Variants in CYP51A1 observed in about 807,000 individuals in gnomAD.
CYP51A1 encodes lanosterol 14-alpha demethylase.
CYP51A1 carries 45 observed loss-of-function variants against 53.5 expected under a neutral mutation model. That is an observed-to-expected ratio of 0.84 (90% confidence interval 0.66 to 1.08). The LOEUF (loss-of-function observed/expected upper bound fraction) is 1.08, where lower values mean the gene tolerates loss of function less well. Ranked by LOEUF, CYP51A1 falls within the 50% of genes least tolerant of loss-of-function variation. The pLI, the probability that CYP51A1 is intolerant of heterozygous loss-of-function variation, is 0.00. For missense variants in CYP51A1, 462 were observed against 621.7 expected, an observed-to-expected ratio of 0.74 and a Z score of 2.73; for synonymous variants, 181 against 217.7, an observed-to-expected ratio of 0.83 and a Z score of 1.48.
rs1349571243 is a variant in CYP51A1 at position 92,124,984 on chromosome 7, G to A, written c.771-1131C>T. On this transcript the variant is annotated intron_variant, in intron 5 of 9. Coordinates refer to ENST00000003100, the MANE Select transcript of CYP51A1 (RefSeq NM_000786.4). ...CGGTGAAACCCCATCTCTACTAAAA[G>A]TACAAAACAATTAGCCAGGCTTGGT... is the stretch of plus-strand genomic sequence containing the variant. 4.6e-5 allele frequency among the ~76,000 whole-genome samples: 7 copies of A among 151,976 alleles called. No individual in the cohort carries two copies. The East Asian group carries it at 9.7e-4, about 21-fold the overall frequency.
chr7:92,126,160 T>A (rs943470440), intron 5 of CYP51A1, 93 bp downstream of exon 5: 1 of 878,824 alleles, frequency 1.1e-6, no homozygotes, highest in Non-Finnish European at 1.6e-6. Context: ...GTTTTACTTG[T>A]TTAATTTTTA....
chr7:92,116,976 G>T, intron 9 of CYP51A1, 68 bp downstream of exon 9: 1 of 1,448,682 alleles, frequency 6.9e-7, no homozygotes, highest in East Asian at 2.4e-5. Context: ...ACACAATTCG[G>T]AATATTTTGA....
At position 92,123,921 on chromosome 7, in the gene CYP51A1, G is replaced by C. The variant is rs1006975508; in HGVS notation, c.771-68C>G. The C allele has an allele frequency of 8.9e-6, 12 of 1,350,872 alleles. No homozygotes were observed. In the Admixed American group the frequency reaches 1.0e-4, roughly 11 times the overall value. 83.7% of individuals were successfully genotyped at this position (1,350,872 alleles called of 1,614,324 possible). On this transcript the variant is annotated intron_variant, in intron 5 of 9. Transcript: ENST00000003100. ...AACCTTCTAGGATCAAATTCATTTT[G>C]AGAACCAGGACCGAGCATAAAGCAT...
chr7:92,113,672 G>T lies in CYP51A1; in HGVS notation c.1523C>A (p.Ser508Ter). 2 of 1,609,894 alleles carry T rather than the reference G, an allele frequency of 1.2e-6. No homozygotes were observed. The highest frequency in any genetic ancestry group is 1.1e-5 in the South Asian group (1 of 90,556). ...CGTTCCTTGCAACCTTTTTCATTTT[G>T]ATCTTCGTTTGTAACGGATAACTGG... ...ENPVIRYKRR[S>*]K Residue 508 changes from serine (S) to a stop codon, truncating the protein, a stop_gained, in exon 10 of 10, where the codon TCA becomes TAA. Coordinates refer to ENST00000003100, the MANE Select transcript of CYP51A1 (RefSeq NM_000786.4). LOFTEE classifies it high-confidence loss of function.
chr7:92,123,573 G>A (rs1294096895), intron 6 of CYP51A1, among the ~76,000 whole-genome samples, 161 bp downstream of exon 6: 2 of 152,176 alleles, frequency 1.3e-5, no homozygotes, highest in Non-Finnish European at 2.9e-5. Context: ...TAAGACACAG[G>A]ATGCCAATAG....
chr7:92,129,241 G>A (rs1008591830), intron 2 of CYP51A1, among the ~76,000 whole-genome samples, 185 bp from the exon 3 acceptor site: 1 of 151,952 alleles, frequency 6.6e-6, no homozygotes, highest in African/African-American at 2.4e-5. Context: ...TGTTCATTTA[G>A]TTGCAAATGT....
At chr7:92,120,999 C>T (rs1317141083) in intron 7 of CYP51A1, among the ~76,000 whole-genome samples, 1 of 152,042 alleles carries the variant, frequency 6.6e-6, no homozygotes, top group African/African-American at 2.4e-5. Context: ...AAAATCAAAA[C>T]AAAATACCAA....
rs144477070 is a variant in CYP51A1, at chr7:92,123,186, T to C, written c.1020A>G (p.Gln340=). The C allele has an allele frequency of 5.0e-6, 8 of 1,613,850 alleles. No individual in the cohort carries two copies. Among genetic ancestry groups the C allele is most frequent in the Non-Finnish European group, 6.8e-6 (8 of 1,179,882 alleles). Residue 340 remains glutamine (Q), a synonymous_variant, in exon 7 of 10, where the codon CAA becomes CAG. Transcript: ENST00000003100. ...TTTTCTGTTCTAAATAACATTTTTT[T>C]TGAAGTGTTTTGTCTCTGGCCAAAA... The part of the protein sequence containing the change: ...GFFLARDKTL[Q]KKCYLEQKTV...
rs573091733 is a variant in CYP51A1 at position 92,123,994 on chromosome 7, A to C, written c.771-141T>G. On this transcript the variant is annotated intron_variant, in intron 5 of 9. Transcript: ENST00000003100. ...CTCTAAAATAATTGACAAAAAAATCAGAACCAGGAACATACTGGAAGTCAT... is the reference window on the plus strand; with the variant it reads ...CTCTAAAATAATTGACAAAAAAATCCGAACCAGGAACATACTGGAAGTCAT... 1.6e-5 allele frequency: 10 copies of C among 631,470 alleles called. No homozygotes were observed. In the Admixed American group the frequency reaches 3.6e-4, roughly 23 times the overall value. 39.1% of individuals were successfully genotyped at this position (631,470 alleles called of 1,614,324 possible). A position where few individuals can be genotyped will look rare whatever the true frequency, so the allele number is the denominator to read the frequency against.
intron 4 of CYP51A1, among the ~76,000 whole-genome samples, chr7:92,127,046 T>A (rs896125574): frequency 4.6e-5 from 7 of 152,244 alleles, no homozygotes; most frequent in Admixed American, 4.6e-4. Context: ...AGAATATCAG[T>A]AAATATTCTG....
Position 92,134,374 on chromosome 7 carries a change from C to G in CYP51A1, c.-10G>C. ...CAGCCGCCGCCGCCATTCACTCCGT[C>G]GGAAACACTGAAGGCCGAGGTCGCC... is the stretch of plus-strand genomic sequence containing the variant. On this transcript the variant is annotated 5_prime_UTR_variant, in exon 1 of 10. Transcript: ENST00000003100. 2 of 1,567,140 alleles carry G rather than the reference C, an allele frequency of 1.3e-6. No homozygotes were observed. The highest frequency in any genetic ancestry group is 1.7e-6 in the Non-Finnish European group (2 of 1,152,184).
At chr7:92,134,639 G>A (rs566178154), upstream of CYP51A1, 479 of 438,016 alleles carry the variant, frequency 1.1e-3, 1 homozygote, top group Non-Finnish European at 8.8e-4. Context: ...CTGTGGCACA[G>A]TGGTACGGGG....
At chr7:92,126,531 A>T (rs970124028) in intron 4 of CYP51A1, 104 bp from the exon 5 acceptor site, 1 of 1,031,564 alleles carries the variant, frequency 9.7e-7, no homozygotes, top group African/African-American at 1.6e-5. Context: ...TATTCATATC[A>T]TCAAAAAAAG....
At chr7:92,133,291 G>A (rs998879911) in intron 1 of CYP51A1, among the ~76,000 whole-genome samples, 1 of 147,660 alleles carries the variant, frequency 6.8e-6, no homozygotes, top group Non-Finnish European at 1.5e-5. Context: ...GTCTCATTCT[G>A]TCGCCCAGAC....
At chr7:92,116,969 C>A in intron 9 of CYP51A1, 75 bp downstream of exon 9, 6 of 1,424,526 alleles carry the variant, frequency 4.2e-6, no homozygotes, top group Non-Finnish European at 4.7e-6. Flanking sequence ...TTTGTAAACA[C>A]AATTCGGAAT....
At chr7:92,132,630 A>G (rs1413249570) in intron 1 of CYP51A1, among the ~76,000 whole-genome samples, 1 of 152,216 alleles carries the variant, frequency 6.6e-6, no homozygotes, top group Non-Finnish European at 1.5e-5. Context: ...TAAAGAAGGT[A>G]TAGAAAAAGA....
chr7:92,123,519 G>A (rs1819733354), intron 6 of CYP51A1, among the ~76,000 whole-genome samples: 1 of 152,172 alleles, frequency 6.6e-6, no homozygotes, highest in Non-Finnish European at 1.5e-5. Flanking sequence ...CTCCATTACA[G>A]TTCATTAGCA....
intron 1 of CYP51A1, among the ~76,000 whole-genome samples, chr7:92,133,469 G>A (rs1178675664): frequency 6.6e-6 from 1 of 152,170 alleles, no homozygotes; most frequent in Non-Finnish European, 1.5e-5. Context: ...GTTTCTCCAT[G>A]TTGTTCAGGC....
At chr7:92,129,527 A>C (rs971221267) in intron 2 of CYP51A1, among the ~76,000 whole-genome samples, 13 of 152,170 alleles carry the variant, frequency 8.5e-5, no homozygotes. Context: ...AGACACTACA[A>C]GTTTATTTAT....
Sources: gnomAD v4.1 joint callset for allele counts (sites outside exome capture counted in the v4.1 genomes callset) on GRCh38, gnomAD v4.1.1 for gene constraint, MANE v1.5 for transcripts, NCBI Gene and HGNC (gene_info 2026-07-23, HGNC 2026-07-21) for gene names.